Variants in MDGA2 observed in about 807,000 individuals in gnomAD.
MDGA2 encodes MAM domain containing glycosylphosphatidylinositol anchor 2, also known as MAM domain-containing glycosylphosphatidylinositol anchor protein 2.
In MDGA2, 40 loss-of-function variants were observed where a neutral mutation model predicts 117.8. The observed-to-expected ratio is 0.34, with a 90% CI of 0.26 to 0.44. The LOEUF is 0.44. Ranked by LOEUF, MDGA2 falls within the 20% of genes least tolerant of loss-of-function variation. The probability of loss-of-function intolerance (pLI) is 1.00; values close to 1 mark genes in which losing one functional copy is unlikely to be tolerated. For missense variants in MDGA2, 1,123 were observed against 1,250.6 expected, an observed-to-expected ratio of 0.90 and a Z score of 1.54; for synonymous variants, 452 against 439.0, an observed-to-expected ratio of 1.03 and a Z score of -0.37.
At chr14:47,130,608 A>C (rs1882155370) in intron 5 of MDGA2, among the ~76,000 whole-genome samples, 1 of 152,168 alleles carries the variant, frequency 6.6e-6, no homozygotes. Flanking sequence ...CTTTTTATCA[A>C]CTGAGTTAGT....
At chr14:46,853,677 G>T (rs1881151971) in intron 15 of MDGA2, among the ~76,000 whole-genome samples, 1 of 151,538 alleles carries the variant, frequency 6.6e-6, no homozygotes, top group Non-Finnish European at 1.5e-5. Context: ...AAAATGTGTG[G>T]TATATTATGA....
intron 3 of MDGA2, among the ~76,000 whole-genome samples, chr14:47,204,278 T>G (rs149430844): frequency 6.6e-6 from 1 of 151,976 alleles, no homozygotes; most frequent in East Asian, 1.9e-4. Context: ...GGACTTACCA[T>G]GGAGAGAAAA....
At chr14:47,566,776 T>A (rs1829047646) in intron 1 of MDGA2, among the ~76,000 whole-genome samples, 1 of 151,996 alleles carries the variant, frequency 6.6e-6, no homozygotes, top group South Asian at 2.1e-4. Flanking sequence ...CAGCCCAGCA[T>A]CTGTGTCCTC....
intron 1 of MDGA2, among the ~76,000 whole-genome samples, chr14:47,310,412 A>T (rs1305437871): frequency 1.3e-5 from 2 of 152,044 alleles, no homozygotes; most frequent in Non-Finnish European, 2.9e-5. Context: ...TAAGTCCCTC[A>T]CTATGTTCTT....
At chr14:46,924,694 A>AT (rs1884260897) in intron 9 of MDGA2, among the ~76,000 whole-genome samples, 1 of 152,088 alleles carries the variant, frequency 6.6e-6, no homozygotes, top group Non-Finnish European at 1.5e-5. Flanking sequence ...GAAAAAAAAA[A>AT]CTCATACAGA....
At chr14:46,976,721 G>A (rs909996352) in intron 8 of MDGA2, among the ~76,000 whole-genome samples, 11 of 151,786 alleles carry the variant, frequency 7.2e-5, no homozygotes, top group South Asian at 2.1e-4. Flanking sequence ...TCGTTCATTC[G>A]TTCAGACACT....
At chr14:47,518,651 G>A (rs943659469) in intron 1 of MDGA2, among the ~76,000 whole-genome samples, 2 of 151,922 alleles carry the variant, frequency 1.3e-5, no homozygotes, top group Non-Finnish European at 2.9e-5. Flanking sequence ...TATCTTTATA[G>A]GGAAACATTT....
chr14:46,860,351 G>A (rs1287216702), intron 14 of MDGA2, among the ~76,000 whole-genome samples: 1 of 151,902 alleles, frequency 6.6e-6, no homozygotes, highest in Non-Finnish European at 1.5e-5. Context: ...CTATTGATGT[G>A]TTAGGTTATA....
At chr14:47,026,315 T>G (rs576841313) in intron 8 of MDGA2, among the ~76,000 whole-genome samples, 1 of 152,300 alleles carries the variant, frequency 6.6e-6, no homozygotes, top group Admixed American at 6.5e-5. Context: ...TCAGATTGGC[T>G]TTATCATGCA....
rs151021398 is a variant in MDGA2, at chr14:47,480,041, TG to T, written c.281-178492del. On this transcript the variant is annotated intron_variant, in intron 1 of 16. Transcript: ENST00000399232. ...CCCTTTCAAATTTCATATGCTAAACTGGGCACAAATATCATAAATAATGTGG... is the reference window on the plus strand; with the variant it reads ...CCCTTTCAAATTTCATATGCTAAACTGGCACAAATATCATAAATAATGTGG... 1.9e-3 allele frequency among the ~76,000 whole-genome samples: 290 copies of T among 151,572 alleles called. 1 individual carries two copies. The highest frequency in any genetic ancestry group is 3.4e-3 in the Middle Eastern group (1 of 292).
intron 9 of MDGA2, among the ~76,000 whole-genome samples, chr14:46,949,050 TA>T (rs1265219788): frequency 6.6e-6 from 1 of 152,046 alleles, no homozygotes; most frequent in African/African-American, 2.4e-5. Context: ...GCTTTGTTTT[TA>T]AAACACTTTC....
At chr14:47,136,939 A>G (rs1882486776) in intron 4 of MDGA2, among the ~76,000 whole-genome samples, 1 of 152,244 alleles carries the variant, frequency 6.6e-6, no homozygotes, top group African/African-American at 2.4e-5. Flanking sequence ...CAATTATGGA[A>G]AAGAGAATGT....
At chr14:47,646,227 A>T (rs555903189) in intron 1 of MDGA2, among the ~76,000 whole-genome samples, 101 of 152,130 alleles carry the variant, frequency 6.6e-4, no homozygotes, top group Admixed American at 1.7e-3. Context: ...CTTACTAATG[A>T]TTGTCTAGGA....
chr14:47,040,942 GAA>G (rs1051901484), intron 7 of MDGA2, among the ~76,000 whole-genome samples: 8 of 152,072 alleles, frequency 5.3e-5, no homozygotes, highest in African/African-American at 1.7e-4. Context: ...GAGAAAGAAA[GAA>G]AGGCAGAGCA....
intron 8 of MDGA2, among the ~76,000 whole-genome samples, chr14:46,990,560 G>T (rs995478457): frequency 6.6e-6 from 1 of 151,860 alleles, no homozygotes; most frequent in African/African-American, 2.4e-5. Flanking sequence ...TCAAAAAATT[G>T]TTAACCACTC....
chr14:47,301,732 T>G (rs1246212480), intron 1 of MDGA2, among the ~76,000 whole-genome samples, 182 bp from the exon 2 acceptor site: 1 of 152,168 alleles, frequency 6.6e-6, no homozygotes, highest in Non-Finnish European at 1.5e-5. Flanking sequence ...ATCTTCAAAT[T>G]TATCTAACAG....
intron 7 of MDGA2, chr14:47,058,805 T>C (rs1243190576): frequency 1.9e-5 from 19 of 985,524 alleles, no homozygotes; most frequent in Non-Finnish European, 2.2e-5. Context: ...TCATCTTCTG[T>C]AGGCCTTCTA....
intron 1 of MDGA2, among the ~76,000 whole-genome samples, chr14:47,665,206 C>A (rs1167085168): frequency 6.6e-6 from 1 of 152,128 alleles, no homozygotes; most frequent in South Asian, 2.1e-4. Flanking sequence ...CTGTTCCGAG[C>A]TTTTTCAAGT....
chr14:47,167,401 G>C (rs1480408556), intron 3 of MDGA2, among the ~76,000 whole-genome samples: 1 of 152,090 alleles, frequency 6.6e-6, no homozygotes, highest in Non-Finnish European at 1.5e-5. Flanking sequence ...TAAAGGCTCT[G>C]CTGTGGGAAG....
Sources: allele counts gnomAD v4.1 joint callset (sites outside exome capture counted in the v4.1 genomes callset), GRCh38; gene constraint gnomAD v4.1.1; transcripts MANE v1.5; gene names NCBI Gene and HGNC (gene_info 2026-07-23, HGNC 2026-07-21).